The following SUGCT variants were observed in gnomAD, a reference collection of about 807,000 sequenced individuals.
SUGCT encodes the protein succinyl-CoA:glutarate CoA-transferase.
Under a neutral mutation model 55.0 loss-of-function variants are expected in SUGCT, and 41 were observed. The ratio of observed to expected loss-of-function variants is 0.74; its 90% CI spans 0.58 to 0.97. The LOEUF is 0.97. Among genes scored for constraint, SUGCT ranks in the 50% least tolerant of loss-of-function variants. SUGCT has a pLI of 0.00. For synonymous variants in SUGCT, 187 were observed against 200.4 expected (o/e 0.93, Z 0.56); for missense variants, 568 against 547.8 (o/e 1.04, Z -0.37).
intron 12 of SUGCT, among the ~76,000 whole-genome samples, chr7:40,537,777 A>G (rs182236341): frequency 2.4e-4 from 37 of 152,316 alleles, no homozygotes; most frequent in Admixed American, 1.2e-3. Context: ...ATGAAAATGT[A>G]ATGTTCCTGA....
intron 7 of SUGCT, among the ~76,000 whole-genome samples, chr7:40,245,872 C>A (rs1168078590): frequency 6.6e-6 from 1 of 152,020 alleles, no homozygotes; most frequent in East Asian, 1.9e-4. Context: ...CATTACAAGT[C>A]TTGCTCTGTT....
chr7:40,486,626 T>G (rs1405262762), intron 11 of SUGCT, among the ~76,000 whole-genome samples: 2 of 152,062 alleles, frequency 1.3e-5, no homozygotes, highest in African/African-American at 4.8e-5. Context: ...TCCCTCTTAG[T>G]ACTGCTTTTG....
the SUGCT span, among the ~76,000 whole-genome samples, chr7:40,870,136 T>C: frequency 1.3e-5 from 2 of 152,214 alleles, no homozygotes; most frequent in East Asian, 1.9e-4. Context: ...TGTAAAACAA[T>C]AGAACTTAAT....
At chr7:40,402,137 C>T (rs920565814) in intron 9 of SUGCT, among the ~76,000 whole-genome samples, 2 of 147,476 alleles carry the variant, frequency 1.4e-5, no homozygotes, top group African/African-American at 2.5e-5. Flanking sequence ...ATTTTTATCC[C>T]TTTTTTTTTT....
intron 9 of SUGCT, among the ~76,000 whole-genome samples, chr7:40,323,817 A>G (rs1795871621): frequency 1.3e-5 from 2 of 152,214 alleles, no homozygotes; most frequent in Non-Finnish European, 1.5e-5. Flanking sequence ...TGGCCAGAAG[A>G]AAATATGCTA....
chr7:40,613,163 A>C (rs1047935307), intron 12 of SUGCT, among the ~76,000 whole-genome samples: 1 of 152,008 alleles, frequency 6.6e-6, no homozygotes, highest in African/African-American at 2.4e-5. Context: ...AAATTCAACG[A>C]TACTCTTATA....
chr7:40,843,508 C>CAAAAAAAAAAAAAAAAAA (rs57586466), intron 13 of SUGCT, among the ~76,000 whole-genome samples: 4 of 127,882 alleles, frequency 3.1e-5, no homozygotes, highest in Admixed American at 8.2e-5. Context: ...GACTCTGTCT[C>CAAAAAAAAAAAAAAAAAA]AAAAAAAAAA....
chr7:40,768,375 A>C (rs905124921), intron 13 of SUGCT, among the ~76,000 whole-genome samples: 2 of 152,034 alleles, frequency 1.3e-5, no homozygotes, highest in African/African-American at 4.8e-5. Flanking sequence ...AGAGTCCTCA[A>C]TGGCACCATG....
At chr7:40,817,370 C>T (rs979429196) in intron 13 of SUGCT, among the ~76,000 whole-genome samples, 14 of 151,984 alleles carry the variant, frequency 9.2e-5, no homozygotes, top group East Asian at 5.8e-4. Flanking sequence ...ACTGGGGAGT[C>T]GGGGGAAAAA....
intron 13 of SUGCT, chr7:40,775,769 G>C (rs1189707178): frequency 6.6e-6 from 1 of 152,130 alleles, no homozygotes; most frequent in African/African-American, 2.4e-5. Context: ...AGTCAATATA[G>C]GTGCAATCTT....
intron 9 of SUGCT, among the ~76,000 whole-genome samples, chr7:40,435,515 T>A (rs1788123102): frequency 6.6e-6 from 1 of 152,188 alleles, no homozygotes; most frequent in Admixed American, 6.6e-5. Context: ...ATTTAAAAAG[T>A]GTATTGGGTT....
chr7:40,671,348 A>G (rs1801930777), intron 12 of SUGCT, among the ~76,000 whole-genome samples: 1 of 152,228 alleles, frequency 6.6e-6, no homozygotes, highest in Non-Finnish European at 1.5e-5. Flanking sequence ...AACTTTGTCA[A>G]CTTGAAAAAG....
chr7:40,204,147 A>C (rs115717751), intron 6 of SUGCT, among the ~76,000 whole-genome samples: 2,534 of 151,082 alleles, frequency 0.017, 69 homozygotes, highest in African/African-American at 0.06. Flanking sequence ...CACCACCACA[A>C]CTGGCTAATT....
chr7:40,702,875 C>G (rs181515901), intron 12 of SUGCT, among the ~76,000 whole-genome samples: 17 of 152,240 alleles, frequency 1.1e-4, no homozygotes, highest in Admixed American at 2.6e-4. Context: ...CCCAAAACTA[C>G]GTAACTCTCA....
At position 40,221,130 on chromosome 7, in the gene SUGCT, T is replaced by C. The variant is rs141901622; in HGVS notation, c.485-16505T>C. Among the ~76,000 whole-genome samples the C allele has an allele frequency of 4.5e-3, 685 of 152,198 alleles. 7 individuals are homozygous for C. The highest frequency in any genetic ancestry group is 0.016 in the African/African-American group (661 of 41,524). On this transcript the variant is annotated intron_variant, in intron 6 of 13. Transcript: ENST00000335693. ...TTTGGAAAATACACTTTTAAATTAT[T>C]ATTATCAGAAATCTAATTATAGCCT...
rs548136443 is a variant in SUGCT, at chr7:40,423,857, T to G, written c.817-25430T>G. Among the ~76,000 whole-genome samples the G allele has an allele frequency of 1.4e-4, 22 of 152,246 alleles. No individual in the cohort carries two copies. The South Asian group carries it at 1.4e-3, about 10-fold the overall frequency. On this transcript the variant is annotated intron_variant, in intron 9 of 13. Coordinates refer to ENST00000335693, the MANE Select transcript of SUGCT (RefSeq NM_001193313.2). Reference sequence around the variant, plus strand: ...TCAAGGGGTTTATTTGGAATTAAGGTTTATCATAAACTTTATGATATTTAA... The same window carrying G: ...TCAAGGGGTTTATTTGGAATTAAGGGTTATCATAAACTTTATGATATTTAA...
chr7:40,508,384 T>C (rs60723289), intron 12 of SUGCT, among the ~76,000 whole-genome samples: 2,123 of 152,330 alleles, frequency 0.014, 35 homozygotes, highest in African/African-American at 0.049. Context: ...CTGCCTAGAA[T>C]ATAGCTTCTG....
chr7:40,226,452 A>T (rs890423936), intron 6 of SUGCT, among the ~76,000 whole-genome samples: 2 of 152,196 alleles, frequency 1.3e-5, no homozygotes, highest in African/African-American at 4.8e-5. Context: ...TTTAGTTCTC[A>T]CAAGGGTACT....
intron 12 of SUGCT, among the ~76,000 whole-genome samples, chr7:40,698,719 C>T (rs1785046005): frequency 1.3e-5 from 2 of 152,122 alleles, no homozygotes; most frequent in African/African-American, 2.4e-5. Flanking sequence ...TTTTACTATC[C>T]ACATAATTCG....
Sources: gnomAD v4.1 joint callset for allele counts (sites outside exome capture counted in the v4.1 genomes callset) on GRCh38, gnomAD v4.1.1 for gene constraint, MANE v1.5 for transcripts, NCBI Gene and HGNC (gene_info 2026-07-23, HGNC 2026-07-21) for gene names.